Variants in MYO16 observed in about 807,000 individuals in gnomAD.
MYO16 encodes the protein myosin XVI.
In MYO16, 94 loss-of-function variants were observed where a neutral mutation model predicts 205.3. The ratio of observed to expected loss-of-function variants is 0.46; its 90% confidence interval spans 0.39 to 0.54. MYO16 has a LOEUF of 0.54. Among genes scored for constraint, MYO16 ranks in the 20% least tolerant of loss-of-function variants. The pLI, the probability that MYO16 is intolerant of heterozygous loss-of-function variation, is 0.00. For synonymous variants in MYO16, 988 were observed against 954.0 expected (o/e 1.04, Z -0.66); for missense variants, 2,315 against 2,387.5 (o/e 0.97, Z 0.63).
intron 2 of MYO16, among the ~76,000 whole-genome samples, chr13:108,673,856 A>G (rs543815991): frequency 6.7e-6 from 1 of 149,646 alleles, no homozygotes; most frequent in South Asian, 2.1e-4. Flanking sequence ...TTCCCAAACC[A>G]AAACTTCCTC....
intron 16 of MYO16, among the ~76,000 whole-genome samples, chr13:108,939,475 A>G (rs1263346735): frequency 6.6e-6 from 1 of 152,148 alleles, no homozygotes; most frequent in East Asian, 1.9e-4. Context: ...GTGTCTTCAC[A>G]ATTCTGCTAG....
chr13:108,847,459 C>G (rs922687992), intron 10 of MYO16, among the ~76,000 whole-genome samples: 6 of 152,138 alleles, frequency 3.9e-5, no homozygotes, highest in African/African-American at 1.4e-4. Context: ...GCGTGGTAAA[C>G]TGAGTGGATT....
chr13:108,741,011 G>A (rs776767791), intron 4 of MYO16, among the ~76,000 whole-genome samples: 38 of 152,130 alleles, frequency 2.5e-4, no homozygotes, highest in Non-Finnish European at 4.9e-4. Flanking sequence ...GGAGTGACCC[G>A]ATTTTCCAGG....
rs1456556002 is a variant in MYO16, at chr13:109,206,937, G to A, written c.*101G>A. On this transcript the variant is annotated 3_prime_UTR_variant, in exon 35 of 35. Transcript: ENST00000457511. ...GACATGCGCTGGGGCTTCTCTCCACGCATTTAGACAAAAAAAGCACAGGAC... is the reference window on the plus strand; with the variant it reads ...GACATGCGCTGGGGCTTCTCTCCACACATTTAGACAAAAAAAGCACAGGAC... The A allele has an allele frequency of 2.8e-5, 28 of 992,366 alleles. No homozygotes were observed. The highest frequency in any genetic ancestry group is 6.4e-5 in the South Asian group (4 of 62,332). 61.5% of individuals were successfully genotyped at this position (992,366 alleles called of 1,614,324 possible).
chr13:108,878,280 C>T (rs935895380), intron 12 of MYO16, among the ~76,000 whole-genome samples: 1 of 152,044 alleles, frequency 6.6e-6, no homozygotes, highest in African/African-American at 2.4e-5. Flanking sequence ...TACCCCCAAA[C>T]ACCAGACTCC....
intron 16 of MYO16, among the ~76,000 whole-genome samples, chr13:108,927,418 G>A (rs893219391): frequency 1.5e-4 from 23 of 152,054 alleles, no homozygotes; most frequent in South Asian, 4.2e-4. Context: ...TGGGGCATGA[G>A]CCAGGCACTG....
chr13:109,009,496 G>GT (rs1885520285), intron 22 of MYO16, among the ~76,000 whole-genome samples: 1 of 152,076 alleles, frequency 6.6e-6, no homozygotes, highest in African/African-American at 2.4e-5. Flanking sequence ...TATAATGTCG[G>GT]TTAAATTAAG....
At chr13:109,059,833 C>T (rs540241694) in intron 27 of MYO16, among the ~76,000 whole-genome samples, 2 of 152,196 alleles carry the variant, frequency 1.3e-5, no homozygotes, top group Non-Finnish European at 1.5e-5. Flanking sequence ...AAGTCCTTGC[C>T]CATGCCTGTG....
intron 34 of MYO16, among the ~76,000 whole-genome samples, chr13:109,183,960 A>G (rs1879565078): frequency 6.6e-6 from 1 of 152,220 alleles, no homozygotes; most frequent in Admixed American, 6.5e-5. Flanking sequence ...AATGTCATAT[A>G]AAAACAAAGT....
At chr13:109,079,065 G>T (rs1888203393) in intron 27 of MYO16, among the ~76,000 whole-genome samples, 1 of 152,080 alleles carries the variant, frequency 6.6e-6, no homozygotes, top group South Asian at 2.1e-4. Context: ...ACTCTTAACT[G>T]GTTGGTATCC....
intron 27 of MYO16, among the ~76,000 whole-genome samples, chr13:109,070,082 T>C (rs1404835406): frequency 1.3e-5 from 2 of 152,164 alleles, no homozygotes; most frequent in Non-Finnish European, 2.9e-5. Context: ...CTAAAGACAA[T>C]GGTGATTTTA....
chr13:108,970,630 A>G (rs1883972765), intron 20 of MYO16, among the ~76,000 whole-genome samples: 1 of 152,180 alleles, frequency 6.6e-6, no homozygotes, highest in African/African-American at 2.4e-5. Flanking sequence ...TTGCTGATTG[A>G]CATCTTAAGG....
At chr13:109,191,531 CA>C (rs1052983970) in intron 34 of MYO16, among the ~76,000 whole-genome samples, 7 of 151,782 alleles carry the variant, frequency 4.6e-5, no homozygotes, top group African/African-American at 1.5e-4. Context: ...AATCAGGGAT[CA>C]AAAAAAGCCT....
intron 4 of MYO16, among the ~76,000 whole-genome samples, chr13:108,769,153 G>A (rs1018724383): frequency 2.6e-5 from 4 of 152,122 alleles, no homozygotes; most frequent in South Asian, 4.1e-4. Flanking sequence ...AGTAACCATC[G>A]CTGGGAGGAA....
intron 27 of MYO16, among the ~76,000 whole-genome samples, chr13:109,095,063 G>C (rs1268401346): frequency 2.6e-5 from 4 of 152,176 alleles, no homozygotes; most frequent in Non-Finnish European, 4.4e-5. Flanking sequence ...TTGATCCTGA[G>C]TAAGTGAACC....
chr13:109,131,118 C>A (rs1194934157), intron 31 of MYO16, among the ~76,000 whole-genome samples: 1 of 152,130 alleles, frequency 6.6e-6, no homozygotes, highest in Non-Finnish European at 1.5e-5. Context: ...GTTTGGTGAA[C>A]CTTGGTTTCG....
chr13:108,691,370 T>C (rs181000128), intron 2 of MYO16, among the ~76,000 whole-genome samples: 1 of 151,920 alleles, frequency 6.6e-6, no homozygotes, highest in Admixed American at 6.6e-5. Context: ...CTGAGTCCTG[T>C]AGATAAATTA....
the MYO16 span, among the ~76,000 whole-genome samples, chr13:108,532,753 T>A: frequency 6.6e-6 from 1 of 152,080 alleles, no homozygotes; most frequent in Non-Finnish European, 1.5e-5. Flanking sequence ...ATTGCATCAC[T>A]GCACTCCAGA....
intron 4 of MYO16, among the ~76,000 whole-genome samples, chr13:108,750,427 G>T (rs573812385): frequency 6.6e-6 from 1 of 152,072 alleles, no homozygotes; most frequent in African/African-American, 2.4e-5. Context: ...ACATCTTTAC[G>T]TAGTATTCTA....
Sources: gnomAD v4.1 joint callset for allele counts (sites outside exome capture counted in the v4.1 genomes callset) on GRCh38, gnomAD v4.1.1 for gene constraint, MANE v1.5 for transcripts, NCBI Gene and HGNC (gene_info 2026-07-23, HGNC 2026-07-21) for gene names.